PEX3: variants seen among roughly 807,000 people sequenced by gnomAD.
PEX3 encodes the protein peroxin-3.
A neutral mutation model predicts 55.8 loss-of-function variants in PEX3; 30 were observed. The ratio of observed to expected loss-of-function variants is 0.54; its 90% CI spans 0.40 to 0.73. PEX3 has a LOEUF of 0.73. Ranked by LOEUF, PEX3 falls within the 30% of genes least tolerant of loss-of-function variation. The pLI, the probability that PEX3 is intolerant of heterozygous loss-of-function variation, is 0.00. For synonymous variants in PEX3, 135 were observed against 148.4 expected (o/e 0.91, Z 0.66); for missense variants, 351 against 432.8 (o/e 0.81, Z 1.68).
intron 1 of PEX3, among the ~76,000 whole-genome samples, chr6:143,457,107 T>C (rs528019817): frequency 6.6e-6 from 1 of 152,340 alleles, no homozygotes; most frequent in South Asian, 2.1e-4. Context: ...AAGTGTCATC[T>C]TAGTGTTGAT....
rs1185302795 is a variant in PEX3, at chr6:143,479,506, A to G, written c.941+308A>G. 6.6e-6 allele frequency among the ~76,000 whole-genome samples: 1 copy of G among 152,038 alleles called. No individual in the cohort carries two copies. Among genetic ancestry groups the G allele is most frequent in the African/African-American group, 2.4e-5 (1 of 41,428 alleles). On this transcript the variant is annotated intron_variant, in intron 10 of 11. Transcript: ENST00000367591. This position sits in a 1 kb window ranked among gnomAD's most constrained non-coding sequence, Gnocchi z 4.6. Reference sequence around the variant, plus strand: ...CTCTTTAGAATACAAAACTCACAATATGTTTTAATTTTAATGCATTCTCTA... The same window carrying G: ...CTCTTTAGAATACAAAACTCACAATGTGTTTTAATTTTAATGCATTCTCTA...
chr6:143,484,302 T>C (rs1471028107), intron 10 of PEX3, among the ~76,000 whole-genome samples: 1 of 152,074 alleles, frequency 6.6e-6, no homozygotes, highest in African/African-American at 2.4e-5. Context: ...AGGCAAGAGA[T>C]AATGCTCAGC....
Position 143,489,014 on chromosome 6 carries a change from T to C in PEX3, c.1039-129T>C. On this transcript the variant is annotated intron_variant, in intron 11 of 11. Coordinates refer to ENST00000367591, the MANE Select transcript of PEX3 (RefSeq NM_003630.3). This position sits in a 1 kb window ranked among gnomAD's most constrained non-coding sequence, Gnocchi z 5.5. Reference sequence around the variant, plus strand: ...TTTATTACAAGAAAAACTACTCATTTTCTTAAATGGTTTGCCTCTTGGCCT... The same window carrying C: ...TTTATTACAAGAAAAACTACTCATTCTCTTAAATGGTTTGCCTCTTGGCCT... The C allele has an allele frequency of 1.5e-6, 1 of 667,828 alleles. No homozygotes were observed. Among genetic ancestry groups the C allele is most frequent in the Non-Finnish European group, 2.7e-6 (1 of 368,592 alleles). The allele number at this position is 667,828 out of a possible 1,614,324, so 41.4% of individuals were successfully genotyped here. A position where few individuals can be genotyped will look rare whatever the true frequency, so the allele number is the denominator to read the frequency against.
intron 8 of PEX3, 45 bp from the exon 9 acceptor site, chr6:143,474,741 G>A (rs1370409215): frequency 3.2e-6 from 3 of 934,754 alleles, no homozygotes; most frequent in Non-Finnish European, 1.8e-6. Context: ...TCATAACCCT[G>A]TGCTAATGTT....
At position 143,483,614 on chromosome 6, in the gene PEX3, A is replaced by C. The variant is rs1049323370; in HGVS notation, c.942-1538A>C. On this transcript the variant is annotated intron_variant, in intron 10 of 11. Transcript: ENST00000367591. The surrounding 1 kb of genome is among the most constrained non-coding windows in gnomAD (Gnocchi z 4.3). ...ATACAGATATGGCTGTCATCTGAGA[A>C]CACTGGAAGGCTGCTGGAGAGTTTT... Among the ~76,000 whole-genome samples, 6 of 152,164 alleles carry C rather than the reference A, an allele frequency of 3.9e-5. No individual in the cohort carries two copies.
rs555826655 is a variant in PEX3 at position 143,485,945 on chromosome 6, A to G, written c.1038+697A>G. On this transcript the variant is annotated intron_variant, in intron 11 of 11. Transcript: ENST00000367591. This position sits in a 1 kb window ranked among gnomAD's most constrained non-coding sequence, Gnocchi z 5.6. Reference sequence around the variant, plus strand: ...GTTGCAAACTGCTTCAATAATGTACAATGAGAAGAGACCCTATGGCCTAAG... The same window carrying G: ...GTTGCAAACTGCTTCAATAATGTACGATGAGAAGAGACCCTATGGCCTAAG... Among the ~76,000 whole-genome samples, 9 of 152,288 alleles carry G rather than the reference A, an allele frequency of 5.9e-5. No individual in the cohort carries two copies. Among genetic ancestry groups the G allele is most frequent in the Admixed American group, 4.6e-4 (7 of 15,280 alleles).
In PEX3 at chr6:143,459,821, C is replaced by CATTAAGTTT. The variant is rs1779895751; in HGVS notation, c.205+611_205+619dup. Among the ~76,000 whole-genome samples, 1 of 152,162 alleles carries CATTAAGTTT rather than the reference C, an allele frequency of 6.6e-6. No individual in the cohort carries two copies. Among genetic ancestry groups the CATTAAGTTT allele is most frequent in the South Asian group, 2.1e-4 (1 of 4,828 alleles). The stretch of plus-strand genomic sequence containing the variant: ...GGGCCTGTGGGCCATAGGAAAGAGT[C>CATTAAGTTT]ATTAAGTTTATTAAATTTACAGTAG... On this transcript the variant is annotated intron_variant, in intron 2 of 11. Transcript: ENST00000367591. This position sits in a 1 kb window ranked among gnomAD's most constrained non-coding sequence, Gnocchi z 4.2.
At chr6:143,480,990 C>T (rs1029430977) in intron 10 of PEX3, among the ~76,000 whole-genome samples, 57 of 151,820 alleles carry the variant, frequency 3.8e-4, no homozygotes, top group Non-Finnish European at 8.8e-5. Flanking sequence ...TCATCCTGGG[C>T]GAGGGAGTGA....
intron 10 of PEX3, among the ~76,000 whole-genome samples, chr6:143,481,286 T>G (rs1780238465): frequency 1.3e-5 from 2 of 151,696 alleles, no homozygotes; most frequent in African/African-American, 4.8e-5. Flanking sequence ...AGAAGTATAT[T>G]ACAATAATAA....
rs1475640219 is a variant in PEX3 at position 143,482,611 on chromosome 6, TATATA to T, written c.942-2535_942-2531del. Among the ~76,000 whole-genome samples, 1 of 151,898 alleles carries T rather than the reference TATATA, an allele frequency of 6.6e-6. No homozygotes were observed. Among genetic ancestry groups the T allele is most frequent in the East Asian group, 1.9e-4 (1 of 5,200 alleles). On this transcript the variant is annotated intron_variant, in intron 10 of 11. Coordinates refer to ENST00000367591, the MANE Select transcript of PEX3 (RefSeq NM_003630.3). This position sits in a 1 kb window ranked among gnomAD's most constrained non-coding sequence, Gnocchi z 5.5. ...AGAAGAGCAATGGATATGCTTTTCC[TATATA>T]ATATATAATATAAGGTATAATTATT... is the stretch of plus-strand genomic sequence containing the variant.
Position 143,488,441 on chromosome 6 carries a change from A to G in PEX3, c.1039-702A>G, listed in dbSNP as rs879452091. Among the ~76,000 whole-genome samples the G allele has an allele frequency of 3.3e-5, 5 of 152,086 alleles. No individual in the cohort carries two copies. In the South Asian group the frequency reaches 6.2e-4, roughly 19 times the overall value. ...ATATAGCGGTATTGCTTCTTTATTC[A>G]TGCATTAAATACCAAGATATAATGA... On this transcript the variant is annotated intron_variant, in intron 11 of 11. Transcript: ENST00000367591. This position sits in a 1 kb window ranked among gnomAD's most constrained non-coding sequence, Gnocchi z 4.9.
In PEX3 at chr6:143,462,789, C is replaced by A; in HGVS notation, c.206-127C>A. 1.4e-6 allele frequency: 1 copy of A among 724,978 alleles called. No homozygotes were observed. The allele number at this position is 724,978 out of a possible 1,614,324, so 44.9% of individuals were successfully genotyped here. A position where few individuals can be genotyped will look rare whatever the true frequency, so the allele number is the denominator to read the frequency against. ...AATAATAATAATTTGAATCGTCTAG[C>A]CCTGACTTTCCCTTCTGACTCTTGC... On this transcript the variant is annotated intron_variant, in intron 2 of 11. Transcript: ENST00000367591. The surrounding 1 kb of genome is among the most constrained non-coding windows in gnomAD (Gnocchi z 4.1).
In PEX3 at chr6:143,463,948, A is replaced by G. The variant is rs930044925; in HGVS notation, c.287+951A>G. ...CTATATTCAGAGAATACTTCCCAAA[A>G]TAACAGTGGATTTGTGTACTTGAGA... On this transcript the variant is annotated intron_variant, in intron 3 of 11. Coordinates refer to ENST00000367591, the MANE Select transcript of PEX3 (RefSeq NM_003630.3). The surrounding 1 kb of genome is among the most constrained non-coding windows in gnomAD (Gnocchi z 5.7). Among the ~76,000 whole-genome samples the G allele has an allele frequency of 1.3e-5, 2 of 152,280 alleles. No homozygotes were observed. The highest frequency in any genetic ancestry group is 6.5e-5 in the Admixed American group (1 of 15,298).
chr6:143,477,552 G>A (rs755752030), intron 9 of PEX3, among the ~76,000 whole-genome samples: 1 of 152,158 alleles, frequency 6.6e-6, no homozygotes, highest in Non-Finnish European at 1.5e-5. Context: ...ATGCATGTAA[G>A]TGGGTAGATG....
chr6:143,471,157 A>T lies in PEX3; in HGVS notation c.456+72A>T. On this transcript the variant is annotated intron_variant, in intron 5 of 11. Transcript: ENST00000367591. This position sits in a 1 kb window ranked among gnomAD's most constrained non-coding sequence, Gnocchi z 5.4. The stretch of plus-strand genomic sequence containing the variant: ...TTCAAAGTTTAACTTATTTATCCTG[A>T]TAACAATTTCTATGAAATAAATATT... 7.7e-7 allele frequency: 1 copy of T among 1,303,576 alleles called. No homozygotes were observed. Among genetic ancestry groups the T allele is most frequent in the Non-Finnish European group, 1.1e-6 (1 of 903,068 alleles). 80.8% of individuals were successfully genotyped at this position (1,303,576 alleles called of 1,614,324 possible).
rs200463608 is a variant in PEX3, at chr6:143,479,156, G to A, written c.899G>A (p.Arg300Gln). 54 of 1,604,464 alleles carry A rather than the reference G, an allele frequency of 3.4e-5. No individual in the cohort carries two copies. The highest frequency in any genetic ancestry group is 4.4e-5 in the Non-Finnish European group (51 of 1,171,750). Residue 300 changes from arginine to glutamine, a missense_variant, in exon 10 of 12, where the codon CGA (arginine) becomes CAA (glutamine). By Grantham distance (43) the Arg-to-Gln change is conservative. Transcript: ENST00000367591. The surrounding 1 kb of genome is among the most constrained non-coding windows in gnomAD (Gnocchi z 4.6). Reference sequence around the variant, plus strand: ...CTAGACAATATGGCTGAGTTCTTTCGACCTACTGAACAGGACCTGCAACAT... The same window carrying A: ...CTAGACAATATGGCTGAGTTCTTTCAACCTACTGAACAGGACCTGCAACAT... ...RLLDNMAEFF[R>Q]PTEQDLQHGN...
rs1169930246 is a variant in PEX3 at position 143,451,194 on chromosome 6, C to A, written c.73+79C>A. The A allele has an allele frequency of 5.9e-6, 6 of 1,018,636 alleles. No individual in the cohort carries two copies. Among genetic ancestry groups the A allele is most frequent in the Admixed American group, 1.7e-5 (1 of 59,208 alleles). 63.1% of individuals were successfully genotyped at this position (1,018,636 alleles called of 1,614,324 possible). A position where few individuals can be genotyped will look rare whatever the true frequency, so the allele number is the denominator to read the frequency against. Reference sequence around the variant, plus strand: ...GACTTCTTCTAAAATAAGGACAGGCCGGGCGATCCTAGTCTGGGATATGTA... The same window carrying A: ...GACTTCTTCTAAAATAAGGACAGGCAGGGCGATCCTAGTCTGGGATATGTA... On this transcript the variant is annotated intron_variant, in intron 1 of 11. Transcript: ENST00000367591. This position sits in a 1 kb window ranked among gnomAD's most constrained non-coding sequence, Gnocchi z 4.1.
In PEX3 at chr6:143,469,202, G is replaced by A. The variant is rs200409079; in HGVS notation, c.331+1037G>A. On this transcript the variant is annotated intron_variant, in intron 4 of 11. Transcript: ENST00000367591. ...TTAGGTATATACCCAGTAATGGGAT[G>A]GCTGGGTCAAATGGTATTTCTAGTT... Among the ~76,000 whole-genome samples, 3 of 152,178 alleles carry A rather than the reference G, an allele frequency of 2.0e-5. No individual in the cohort carries two copies. The East Asian group carries it at 5.8e-4, about 29-fold the overall frequency.
intron 9 of PEX3, 105 bp from the exon 10 acceptor site, chr6:143,478,971 G>T: frequency 1.5e-6 from 1 of 689,406 alleles, no homozygotes; most frequent in Non-Finnish European, 2.7e-6. Context: ...ATTAGATTAT[G>T]ACTAGAAATG....
Sources: allele counts gnomAD v4.1 joint callset (sites outside exome capture counted in the v4.1 genomes callset), GRCh38; gene constraint gnomAD v4.1.1; non-coding constraint Gnocchi (gnomAD v3.1); transcripts MANE v1.5; gene names NCBI Gene and HGNC (gene_info 2026-07-23, HGNC 2026-07-21).